The following ARID1A variants were observed in gnomAD, a reference collection of about 807,000 sequenced individuals.
The protein encoded by ARID1A is AT-rich interactive domain-containing protein 1A.
Under a neutral mutation model 212.6 loss-of-function variants are expected in ARID1A, and 20 were observed. The observed-to-expected ratio is 0.09, with a 90% CI of 0.07 to 0.14. ARID1A has a LOEUF of 0.14. Among genes scored for constraint, ARID1A ranks in the 10% least tolerant of loss-of-function variants. The pLI, the probability that ARID1A is intolerant of heterozygous loss-of-function variation, is 1.00. For synonymous variants in ARID1A, 1,376 were observed against 1,222.1 expected, an observed-to-expected ratio of 1.13 and a Z score of -2.63; for missense variants, 2,587 against 3,059.0, an observed-to-expected ratio of 0.85 and a Z score of 3.64.
intron 4 of ARID1A, among the ~76,000 whole-genome samples, chr1:26,735,535 A>G (rs1010813977): frequency 6.6e-6 from 1 of 152,122 alleles, no homozygotes; most frequent in African/African-American, 2.4e-5. Flanking sequence ...CAGGTGATCC[A>G]CCTGCCTTGG....
At chr1:26,700,993 C>T (rs961184384) in intron 1 of ARID1A, among the ~76,000 whole-genome samples, 2 of 152,154 alleles carry the variant, frequency 1.3e-5, no homozygotes, top group African/African-American at 4.8e-5. Context: ...TTTTAGGTTC[C>T]TTTCTTTGTG....
chr1:26,774,993 C>T lies in ARID1A; in HGVS notation c.4766C>T (p.Ala1589Val), dbSNP rs758069825. 1 of 1,555,204 alleles carries T rather than the reference C, an allele frequency of 6.4e-7. No individual in the cohort carries two copies. Among genetic ancestry groups the T allele is most frequent in the Non-Finnish European group, 8.7e-7 (1 of 1,150,944 alleles). The change falls in exon 18 of 20, where the codon GCT (alanine) becomes GTT (valine). Residue 1589 changes from alanine to valine, a missense_variant. Transcript: ENST00000324856. The surrounding 1 kb of genome is among the most constrained non-coding windows in gnomAD (Gnocchi z 5.6). ...QNHIPQVSSP[A>V]PLPRPMENRT... ...CACATTCCTCAGGTATCCAGCCCTG[C>T]TCCCCTGCCCCGGCCAATGGAGAAC...
rs1447878196 is a variant in ARID1A at position 26,781,146 on chromosome 1, C to T, written c.*390C>T. On this transcript the variant is annotated 3_prime_UTR_variant, in exon 20 of 20. Coordinates refer to ENST00000324856, the MANE Select transcript of ARID1A (RefSeq NM_006015.6). Reference sequence around the variant, plus strand: ...ATCAACGGGATGCCACATTTCATAACTGTTTTTAATGGTAAAAAAAAAAAA... The same window carrying T: ...ATCAACGGGATGCCACATTTCATAATTGTTTTTAATGGTAAAAAAAAAAAA... 1 of 237,744 alleles carries T rather than the reference C, an allele frequency of 4.2e-6. No homozygotes were observed. Among genetic ancestry groups the T allele is most frequent in the Non-Finnish European group, 8.0e-6 (1 of 124,554 alleles). The allele number at this position is 237,744 out of a possible 1,614,324, so 14.7% of individuals were successfully genotyped here.
chr1:26,778,034 A>C (rs1488416382), intron 19 of ARID1A: 3 of 148,124 alleles, frequency 2.0e-5, no homozygotes, highest in Admixed American at 1.4e-4. Context: ...GTGCCACTGC[A>C]CTCCAGCCTG....
intron 19 of ARID1A, among the ~76,000 whole-genome samples, chr1:26,777,638 T>C (rs1262908143): frequency 1.3e-5 from 2 of 152,136 alleles, no homozygotes; most frequent in Non-Finnish European, 2.9e-5. Context: ...CCTTCCAAAG[T>C]GTTGGGATTA....
Position 26,774,455 on chromosome 1 carries a change from C to T in ARID1A, c.4228C>T (p.Pro1410Ser), listed in dbSNP as rs2124117885. The change falls in exon 18 of 20, where the codon CCC becomes TCC. Residue 1410 changes from proline to serine, a missense_variant. Physicochemically the swap from Pro to Ser is moderately conservative, Grantham distance 74. Transcript: ENST00000324856. The surrounding 1 kb of genome is among the most constrained non-coding windows in gnomAD (Gnocchi z 5.6). ...PQQQQLPPAQ[P>S]QPASQQQAAQ... ...GCAGCAGCAGTTGCCCCCAGCCCAG[C>T]CCCAGCCTGCCAGCCAGCAACAAGC... 5 of 1,613,652 alleles carry T rather than the reference C, an allele frequency of 3.1e-6. No individual in the cohort carries two copies. Among genetic ancestry groups the T allele is most frequent in the Non-Finnish European group, 4.2e-6 (5 of 1,179,772 alleles).
chr1:26,780,793 C>CT lies in ARID1A; in HGVS notation c.*37_*38insT. The CT allele has an allele frequency of 2.0e-6, 3 of 1,514,548 alleles. No individual in the cohort carries two copies. The highest frequency in any genetic ancestry group is 2.6e-6 in the Non-Finnish European group (3 of 1,132,184). The allele number at this position is 1,514,548 out of a possible 1,614,324, so 93.8% of individuals were successfully genotyped here. A position where few individuals can be genotyped will look rare whatever the true frequency, so the allele number is the denominator to read the frequency against. ...CACCTCCCCCCCCCGTGTGTGTGTG[C>CT]GTGTGTGGAGAACTTAGAAACTGAC... On this transcript the variant is annotated 3_prime_UTR_variant, in exon 20 of 20. Coordinates refer to ENST00000324856, the MANE Select transcript of ARID1A (RefSeq NM_006015.6). This position sits in a 1 kb window ranked among gnomAD's most constrained non-coding sequence, Gnocchi z 7.2.
intron 2 of ARID1A, 101 bp from the exon 3 acceptor site, chr1:26,731,051 T>C: frequency 7.7e-7 from 1 of 1,290,890 alleles, no homozygotes; most frequent in South Asian, 1.3e-5. Flanking sequence ...CTTGCATGCT[T>C]GCTTTCTATA....
intron 1 of ARID1A, among the ~76,000 whole-genome samples, chr1:26,709,645 T>G (rs2080430616): frequency 6.6e-6 from 1 of 151,560 alleles, no homozygotes; most frequent in Non-Finnish European, 1.5e-5. Flanking sequence ...TTTTTTTTTT[T>G]TTAAACTAAA....
intron 4 of ARID1A, among the ~76,000 whole-genome samples, chr1:26,746,171 C>T (rs1224603065): frequency 1.3e-5 from 2 of 152,132 alleles, no homozygotes; most frequent in Non-Finnish European, 2.9e-5. Context: ...GATTTCTAGG[C>T]AAAGTTAATG....
At chr1:26,736,274 C>T (rs928262163) in intron 4 of ARID1A, among the ~76,000 whole-genome samples, 2 of 141,892 alleles carry the variant, frequency 1.4e-5, no homozygotes, top group African/African-American at 2.7e-5. Context: ...TGCATTGAGC[C>T]GAGATCACAC....
chr1:26,741,462 G>A (rs929669303), intron 4 of ARID1A, among the ~76,000 whole-genome samples: 2 of 152,078 alleles, frequency 1.3e-5, no homozygotes, highest in African/African-American at 2.4e-5. Flanking sequence ...CAATTCCTCC[G>A]CTTCATCCCA....
In ARID1A at chr1:26,699,197, T is replaced by C. The variant is rs538391429; in HGVS notation, c.1137+1657T>C. 7.9e-5 allele frequency among the ~76,000 whole-genome samples: 12 copies of C among 152,370 alleles called. No homozygotes were observed. The East Asian group carries it at 1.2e-3, about 15-fold the overall frequency. ...ACTTTTTTTCTTGTCTTCCAAGATA[T>C]GAAGATACGACCTAGAATGACACTT... On this transcript the variant is annotated intron_variant, in intron 1 of 19. Coordinates refer to ENST00000324856, the MANE Select transcript of ARID1A (RefSeq NM_006015.6).
intron 4 of ARID1A, among the ~76,000 whole-genome samples, chr1:26,755,942 A>G (rs1256242706): frequency 1.3e-5 from 2 of 151,608 alleles, no homozygotes; most frequent in East Asian, 3.9e-4. Flanking sequence ...ACAGGGTTTC[A>G]CTATGTTAGC....
At chr1:26,758,211 G>A (rs1273268666) in intron 4 of ARID1A, among the ~76,000 whole-genome samples, 1 of 152,102 alleles carries the variant, frequency 6.6e-6, no homozygotes, top group Non-Finnish European at 1.5e-5. Context: ...ACTTACAGTG[G>A]CTCTCCTTGT....
Position 26,756,893 on chromosome 1 carries a change from G to A in ARID1A, c.1921-3963G>A, listed in dbSNP as rs1300942259. The stretch of plus-strand genomic sequence containing the variant: ...AATTTTTTGTATTTTTAGTAAAGAC[G>A]GGGTTTCACCGTGTTAGCCAGTATG... On this transcript the variant is annotated intron_variant, in intron 4 of 19. Transcript: ENST00000324856. Among the ~76,000 whole-genome samples, 5 of 151,744 alleles carry A rather than the reference G, an allele frequency of 3.3e-5. No individual in the cohort carries two copies. In the South Asian group the frequency reaches 6.2e-4, roughly 19 times the overall value.
At chr1:26,716,344 C>T (rs182828810) in intron 1 of ARID1A, among the ~76,000 whole-genome samples, 1 of 152,260 alleles carries the variant, frequency 6.6e-6, no homozygotes, top group African/African-American at 2.4e-5. Flanking sequence ...ATAATTCCTG[C>T]CTCCATGGAG....
chr1:26,756,348 G>A (rs2080936386), intron 4 of ARID1A, among the ~76,000 whole-genome samples: 1 of 152,022 alleles, frequency 6.6e-6, no homozygotes, highest in Non-Finnish European at 1.5e-5. Flanking sequence ...CTGAGGTCAG[G>A]AGTTCGAGAC....
At chr1:26,749,119 C>T (rs1031383466) in intron 4 of ARID1A, among the ~76,000 whole-genome samples, 3 of 152,070 alleles carry the variant, frequency 2.0e-5, no homozygotes, top group Admixed American at 6.6e-5. Context: ...GAGCCAAGAT[C>T]GCGCCACTGC....
Sources: allele counts gnomAD v4.1 joint callset (sites outside exome capture counted in the v4.1 genomes callset), GRCh38; gene constraint gnomAD v4.1.1; non-coding constraint Gnocchi (gnomAD v3.1); transcripts MANE v1.5; gene names NCBI Gene and HGNC (gene_info 2026-07-23, HGNC 2026-07-21).